Variants in ADAMTS6 observed in about 807,000 individuals in gnomAD.
The protein encoded by ADAMTS6 is A disintegrin and metalloproteinase with thrombospondin motifs 6.
Under a neutral mutation model 144.3 loss-of-function variants are expected in ADAMTS6, and 23 were observed. The ratio of observed to expected loss-of-function variants is 0.16; its 90% CI spans 0.11 to 0.23. The LOEUF (loss-of-function observed/expected upper bound fraction) is 0.23. ADAMTS6 is among the 10% of genes least tolerant of loss of function. The probability of loss-of-function intolerance (pLI) is 1.00; values close to 1 mark genes in which losing one functional copy is unlikely to be tolerated. For synonymous variants in ADAMTS6, 444 were observed against 457.5 expected (o/e 0.97, Z 0.38); for missense variants, 999 against 1,379.6 (o/e 0.72, Z 4.37).
At chr5:65,338,683 G>A (rs72760545) in intron 7 of ADAMTS6, among the ~76,000 whole-genome samples, 7,888 of 152,086 alleles carry the variant, frequency 0.052, 262 homozygotes, top group East Asian at 0.11. Flanking sequence ...CCCAGAGCCA[G>A]GAATATAGCC....
intron 22 of ADAMTS6, among the ~76,000 whole-genome samples, chr5:65,174,810 TGA>T (rs560517473): frequency 6.1e-4 from 93 of 152,302 alleles, no homozygotes; most frequent in African/African-American, 2.2e-3. Flanking sequence ...TTTTGTGGTG[TGA>T]GCATGGTGTT....
intron 22 of ADAMTS6, among the ~76,000 whole-genome samples, chr5:65,185,696 T>G (rs1754636175): frequency 6.6e-6 from 1 of 152,178 alleles, no homozygotes; most frequent in Admixed American, 6.5e-5. Context: ...GCCATTTGAG[T>G]GAGTCACTTC....
intron 7 of ADAMTS6, among the ~76,000 whole-genome samples, chr5:65,344,202 T>C (rs1748109983): frequency 1.3e-5 from 2 of 151,518 alleles, no homozygotes; most frequent in African/African-American, 4.8e-5. Flanking sequence ...GAATAGAGAG[T>C]TTTCACTTCT....
intron 24 of ADAMTS6, among the ~76,000 whole-genome samples, chr5:65,159,596 T>C (rs892820869): frequency 6.6e-6 from 1 of 152,258 alleles, no homozygotes; most frequent in African/African-American, 2.4e-5. Context: ...TTCTCTGTGA[T>C]GCTTCTGCTG....
chr5:65,371,208 G>C lies in ADAMTS6; in HGVS notation c.1074-37123C>G, dbSNP rs910182562. Among the ~76,000 whole-genome samples, 6 of 152,324 alleles carry C rather than the reference G, an allele frequency of 3.9e-5. No individual in the cohort carries two copies. The East Asian group carries it at 9.6e-4, about 24-fold the overall frequency. On this transcript the variant is annotated intron_variant, in intron 7 of 24. Transcript: ENST00000381055. ...GAAAAACTGGAAACTCTAAAAAGCA[G>C]AGCACCTCTCCTCCTCCAAAGGAAT...
rs1419596858 is a variant in ADAMTS6 at position 65,332,302 on chromosome 5, T to G, written c.1117+1740A>C. On this transcript the variant is annotated intron_variant, in intron 8 of 24. Coordinates refer to ENST00000381055, the MANE Select transcript of ADAMTS6 (RefSeq NM_197941.4). ...GACAGTGAGGGTATATATATATATA[T>G]ATATATATATAGAGAGAGAGAGAGA... Among the ~76,000 whole-genome samples the G allele has an allele frequency of 4.0e-3, 468 of 116,436 alleles. 2 individuals carry two copies. Among genetic ancestry groups the G allele is most frequent in the African/African-American group, 0.012 (446 of 36,094 alleles). The allele number at this position is 116,436 out of a possible 152,430, so 76.4% of individuals were successfully genotyped here.
intron 3 of ADAMTS6, among the ~76,000 whole-genome samples, chr5:65,461,164 T>TA (rs1759617219): frequency 6.6e-6 from 1 of 152,184 alleles, no homozygotes; most frequent in African/African-American, 2.4e-5. Flanking sequence ...CTCTCCTCTT[T>TA]AAAAACCTTC....
intron 9 of ADAMTS6, among the ~76,000 whole-genome samples, chr5:65,325,954 A>G (rs1580401151): frequency 6.6e-6 from 1 of 152,174 alleles, no homozygotes; most frequent in East Asian, 1.9e-4. Flanking sequence ...GGCATAATGA[A>G]CTGCCATAAA....
chr5:65,173,470 G>A (rs112694670), intron 22 of ADAMTS6, among the ~76,000 whole-genome samples: 1 of 152,142 alleles, frequency 6.6e-6, no homozygotes. Flanking sequence ...ATGTCGGGTC[G>A]CTAAGAATAC....
intron 4 of ADAMTS6, among the ~76,000 whole-genome samples, chr5:65,459,742 A>G (rs1403829299): frequency 1.3e-5 from 2 of 152,172 alleles, no homozygotes; most frequent in East Asian, 1.9e-4. Context: ...ATATTTCTAT[A>G]GTATCCTCGC....
At chr5:65,375,855 C>G (rs1380923901) in intron 7 of ADAMTS6, among the ~76,000 whole-genome samples, 1 of 152,116 alleles carries the variant, frequency 6.6e-6, no homozygotes, top group Non-Finnish European at 1.5e-5. Flanking sequence ...AGACTTGGAA[C>G]CAACCCAAAT....
At chr5:65,163,599 C>G (rs192083084) in intron 24 of ADAMTS6, among the ~76,000 whole-genome samples, 86 of 152,266 alleles carry the variant, frequency 5.6e-4, no homozygotes, top group African/African-American at 1.4e-3. Context: ...TTGAATTAGA[C>G]AGAGTTGATC....
chr5:65,175,624 C>T (rs1753927533), intron 22 of ADAMTS6, among the ~76,000 whole-genome samples: 1 of 151,754 alleles, frequency 6.6e-6, no homozygotes, highest in East Asian at 1.9e-4. Flanking sequence ...AACTGCTTTG[C>T]TAACAGAAGA....
chr5:65,248,199 A>T (rs1759802740), intron 14 of ADAMTS6, among the ~76,000 whole-genome samples: 1 of 152,204 alleles, frequency 6.6e-6, no homozygotes, highest in Admixed American at 6.5e-5. Flanking sequence ...ATTCAAATAC[A>T]GTTAAATTTA....
chr5:65,181,012 T>G (rs1305834832), intron 22 of ADAMTS6, among the ~76,000 whole-genome samples: 1 of 152,196 alleles, frequency 6.6e-6, no homozygotes, highest in Non-Finnish European at 1.5e-5. Flanking sequence ...CTTACAACTC[T>G]CCTATGAGGT....
At chr5:65,206,495 T>G (rs1756091706) in intron 20 of ADAMTS6, among the ~76,000 whole-genome samples, 2 of 151,990 alleles carry the variant, frequency 1.3e-5, no homozygotes, top group Non-Finnish European at 2.9e-5. Flanking sequence ...GGTCAGGAGT[T>G]CGAGACCAGT....
chr5:65,479,204 CTTCT>C (rs1203472072), intron 1 of ADAMTS6, among the ~76,000 whole-genome samples: 2 of 152,180 alleles, frequency 1.3e-5, no homozygotes, highest in Admixed American at 6.5e-5. Context: ...TGAAAATTAA[CTTCT>C]TTCATTTCCA....
chr5:65,452,617 T>C, intron 5 of ADAMTS6, 90 bp downstream of exon 5: 3 of 1,384,226 alleles, frequency 2.2e-6, no homozygotes, highest in Non-Finnish European at 3.0e-6. Flanking sequence ...TAAATTCTTA[T>C]CATTATTTAC....
At chr5:65,447,953 T>C (rs992695885) in intron 7 of ADAMTS6, among the ~76,000 whole-genome samples, 1 of 150,850 alleles carries the variant, frequency 6.6e-6, no homozygotes. Context: ...TAATACAACA[T>C]AGAGAGGTAA....
Sources: gnomAD v4.1 joint callset for allele counts (sites outside exome capture counted in the v4.1 genomes callset) on GRCh38, gnomAD v4.1.1 for gene constraint, MANE v1.5 for transcripts, NCBI Gene and HGNC (gene_info 2026-07-23, HGNC 2026-07-21) for gene names.